SMIM13: variants seen among roughly 807,000 people sequenced by gnomAD.
The protein encoded by SMIM13 is UPF0766 protein C6orf228.
A neutral mutation model predicts 5.9 loss-of-function variants in SMIM13; 3 were observed. That is an observed-to-expected ratio of 0.51 (90% CI 0.23 to 1.31). The LOEUF is 1.31. SMIM13 is among the 40% of genes most tolerant of loss of function. The probability of loss-of-function intolerance (pLI) is 0.18; values close to 1 mark genes in which losing one functional copy is unlikely to be tolerated. For synonymous variants in SMIM13, 55 were observed against 46.0 expected (o/e 1.19, Z -0.79); for missense variants, 85 against 109.9 (o/e 0.77, Z 1.01).
chr6:11,125,637 C>A (rs1182598552), intron 1 of SMIM13, among the ~76,000 whole-genome samples: 1 of 152,118 alleles, frequency 6.6e-6, no homozygotes, highest in Non-Finnish European at 1.5e-5. Context: ...ACAACAACAA[C>A]AAAATGCCAT....
intron 1 of SMIM13, among the ~76,000 whole-genome samples, chr6:11,114,592 CTTTTTTTTTTTTTTT>C (rs58585640): frequency 4.6e-5 from 1 of 21,824 alleles, no homozygotes; most frequent in African/African-American, 2.1e-4. Flanking sequence ...CACTTTTTCT[CTTTTTTTTTTTTTTT>C]TTTTTTTTTG....
intron 1 of SMIM13, among the ~76,000 whole-genome samples, chr6:11,114,541 A>ATTT (rs70991085): frequency 1.9e-5 from 2 of 106,848 alleles, no homozygotes; most frequent in Non-Finnish European, 3.8e-5. Context: ...TGGATATTGG[A>ATTT]TTTTTTTTTT....
chr6:11,133,072 C>T lies in SMIM13; in HGVS notation c.77-1331C>T, dbSNP rs192247234. On this transcript the variant is annotated intron_variant, in intron 1 of 1. Transcript: ENST00000416247. ...TTTTGATACCTTCTCATTCATTCCT[C>T]ACTATAGCTTTGTGAATATTCTGTC... is the stretch of plus-strand genomic sequence containing the variant. 1.2e-4 allele frequency among the ~76,000 whole-genome samples: 19 copies of T among 152,310 alleles called. No individual in the cohort carries two copies. In the East Asian group the frequency reaches 2.3e-3, roughly 19 times the overall value.
rs752733232 is a variant in SMIM13 at position 11,134,409 on chromosome 6, A to G, written c.83A>G (p.Tyr28Cys). 17 of 1,550,482 alleles carry G rather than the reference A, an allele frequency of 1.1e-5. No individual in the cohort carries two copies. Among genetic ancestry groups the G allele is most frequent in the South Asian group, 9.5e-5 (8 of 83,960 alleles). Residue 28 changes from tyrosine to cysteine, a missense_variant, in exon 2 of 2, where the codon TAT becomes TGT. Transcript: ENST00000416247. Reference protein sequence around the residue: ...IVLLLMVCGWYFVWHLFLSKF... With the variant: ...IVLLLMVCGWCFVWHLFLSKF... ...TTTTTGTCTTTCTCTGTAGGTTGGT[A>G]TTTTGTATGGCATCTTTTTTTATCA...
intron 1 of SMIM13, chr6:11,105,441 C>G (rs956749454): frequency 3.0e-5 from 20 of 672,414 alleles, no homozygotes; most frequent in Non-Finnish European, 4.8e-5. Flanking sequence ...GATCACCTTA[C>G]TTTGAGGTGA....
intron 1 of SMIM13, among the ~76,000 whole-genome samples, chr6:11,117,475 G>T (rs566871083): frequency 6.6e-6 from 1 of 151,596 alleles, no homozygotes; most frequent in African/African-American, 2.4e-5. Context: ...ATGCCTGGCC[G>T]ACGTTTAATA....
intron 1 of SMIM13, among the ~76,000 whole-genome samples, chr6:11,101,668 T>C (rs1470720180): frequency 6.6e-6 from 1 of 152,062 alleles, no homozygotes; most frequent in African/African-American, 2.4e-5. Flanking sequence ...CTGTAGGGTG[T>C]CTTTAAACTG....
At chr6:11,108,214 A>G (rs1424583879) in intron 1 of SMIM13, among the ~76,000 whole-genome samples, 1 of 152,240 alleles carries the variant, frequency 6.6e-6, no homozygotes, top group East Asian at 1.9e-4. Flanking sequence ...GGTTACGGGC[A>G]CTTCATATCC....
Position 11,134,656 on chromosome 6 carries a change from C to T in SMIM13, c.*54C>T. 2.3e-6 allele frequency: 3 copies of T among 1,292,308 alleles called. No homozygotes were observed. Among genetic ancestry groups the T allele is most frequent in the Admixed American group, 6.8e-5 (2 of 29,342 alleles). The allele number at this position is 1,292,308 out of a possible 1,614,324, so 80.1% of individuals were successfully genotyped here. On this transcript the variant is annotated 3_prime_UTR_variant, in exon 2 of 2. Transcript: ENST00000416247. The stretch of plus-strand genomic sequence containing the variant: ...GTTGCCAGCTTCTGTCTTTTACTGA[C>T]TTCGCTTTGAAATTTACTAATGACT...
intron 1 of SMIM13, among the ~76,000 whole-genome samples, chr6:11,110,171 A>G (rs1344852730): frequency 6.6e-6 from 1 of 152,074 alleles, no homozygotes; most frequent in Admixed American, 6.6e-5. Context: ...GTGCCCTCCC[A>G]CTCATCCAAG....
chr6:11,104,031 T>C (rs778983132), intron 1 of SMIM13: 2 of 1,551,738 alleles, frequency 1.3e-6, no homozygotes, highest in Non-Finnish European at 1.7e-6. Flanking sequence ...AATTCCTCCC[T>C]GTGCTGCCGT....
At position 11,138,255 on chromosome 6, in the gene SMIM13, G is replaced by A. The variant is rs532807647; in HGVS notation, c.*3653G>A. 1.3e-5 allele frequency: 2 copies of A among 152,318 alleles called. No homozygotes were observed. Among genetic ancestry groups the A allele is most frequent in the Admixed American group, 1.3e-4 (2 of 15,298 alleles). 9.4% of individuals were successfully genotyped at this position (152,318 alleles called of 1,614,324 possible). ...GCGACTAATGGAATAGTGTTCTGTT[G>A]TGAAGTCTAGAACTAAAGCACCTTG... On this transcript the variant is annotated 3_prime_UTR_variant, in exon 2 of 2. Coordinates refer to ENST00000416247, the MANE Select transcript of SMIM13 (RefSeq NM_001135575.2).
chr6:11,132,215 C>T (rs561145394), intron 1 of SMIM13, among the ~76,000 whole-genome samples: 17 of 152,216 alleles, frequency 1.1e-4, no homozygotes, highest in African/African-American at 2.9e-4. Context: ...ATCAAAGCTT[C>T]GTGATATACC....
intron 1 of SMIM13, among the ~76,000 whole-genome samples, chr6:11,116,853 T>TTA: frequency 6.6e-6 from 1 of 152,188 alleles, no homozygotes. Context: ...TATATCTATA[T>TTA]ATCTTTCCTT....
intron 1 of SMIM13, among the ~76,000 whole-genome samples, chr6:11,119,450 C>T (rs770750113): frequency 3.9e-5 from 6 of 152,118 alleles, no homozygotes; most frequent in Admixed American, 1.3e-4. Flanking sequence ...GTCAGGAGAT[C>T]GAGACCATCC....
intron 1 of SMIM13, among the ~76,000 whole-genome samples, chr6:11,101,272 T>C (rs553280459): frequency 4.5e-4 from 68 of 152,314 alleles, no homozygotes; most frequent in African/African-American, 1.5e-3. Flanking sequence ...GATCTGTGAC[T>C]GTGTGATCAA....
intron 1 of SMIM13, among the ~76,000 whole-genome samples, chr6:11,123,093 C>T (rs1321644682): frequency 6.6e-6 from 1 of 152,126 alleles, no homozygotes; most frequent in African/African-American, 2.4e-5. Context: ...GGCCCTATAT[C>T]CATGTTCACT....
intron 1 of SMIM13, among the ~76,000 whole-genome samples, chr6:11,125,583 A>C (rs1420995561): frequency 6.6e-6 from 1 of 152,188 alleles, no homozygotes. Context: ...AGCCTGGGTG[A>C]CAGAGCGAGA....
At chr6:11,131,309 A>G (rs1758447438) in intron 1 of SMIM13, among the ~76,000 whole-genome samples, 1 of 152,084 alleles carries the variant, frequency 6.6e-6, no homozygotes, top group Non-Finnish European at 1.5e-5. Context: ...AAAATTTGGT[A>G]AGTACAGAGA....
Sources: gnomAD v4.1 joint callset for allele counts (sites outside exome capture counted in the v4.1 genomes callset) on GRCh38, gnomAD v4.1.1 for gene constraint, MANE v1.5 for transcripts, NCBI Gene and HGNC (gene_info 2026-07-23, HGNC 2026-07-21) for gene names.